ABCG1: variants seen among roughly 807,000 people sequenced by gnomAD.
ABCG1 encodes the protein ATP binding cassette subfamily G member 1.
ABCG1 carries 29 observed loss-of-function variants against 69.2 expected under a neutral mutation model. The observed-to-expected ratio is 0.42, with a 90% confidence interval of 0.31 to 0.57. The LOEUF is 0.57. ABCG1 is among the 20% of genes least tolerant of loss of function. The pLI is 0.15. For synonymous variants in ABCG1, 370 were observed against 374.8 expected (o/e 0.99, Z 0.15); for missense variants, 718 against 898.1 (o/e 0.80, Z 2.56).
rs2068774621 is a variant in ABCG1, at chr21:42,279,760, G to A, written c.589-2514G>A. On this transcript the variant is annotated intron_variant, in intron 5 of 14. Coordinates refer to ENST00000398449, the MANE Select transcript of ABCG1 (RefSeq NM_016818.3). ...GTGAGTGCTGCTCAGCAGGCTCCGT[G>A]CTGAAGTCACAGCAAGCCAGGCCCT... 2.0e-5 allele frequency among the ~76,000 whole-genome samples: 3 copies of A among 152,224 alleles called. No homozygotes were observed. The South Asian group carries it at 6.2e-4, about 32-fold the overall frequency.
chr21:42,264,589 G>A (rs374257378), intron 2 of ABCG1, among the ~76,000 whole-genome samples: 3 of 150,570 alleles, frequency 2.0e-5, no homozygotes, highest in East Asian at 3.9e-4. Flanking sequence ...GGCCAGGGCC[G>A]AATGTTTAGA....
Position 42,225,795 on chromosome 21 carries a change from T to A in ABCG1, c.167T>A (p.Val56Glu), listed in dbSNP as rs1167151091. The A allele has an allele frequency of 6.2e-7, 1 of 1,613,834 alleles. No individual in the cohort carries two copies. ...CTGCTGAATGGACATCTGAAAAAAGTAGATAATAACCTCACGGAAGCCCAG... is the reference window on the plus strand; with the variant it reads ...CTGCTGAATGGACATCTGAAAAAAGAAGATAATAACCTCACGGAAGCCCAG... ...TDLLNGHLKK[V>E]DNNLTEAQRF... is the part of the protein sequence containing the mutation. Residue 56 changes from valine (V) to glutamate (E), a missense_variant, in exon 2 of 15, where the codon GTA becomes GAA. Physicochemically the swap from Val to Glu is moderately radical, Grantham distance 121 (BLOSUM62 -2). This residue lies in a region of ABCG1 where 514 missense variants were observed against 574.3 expected (regional missense o/e 0.90). Coordinates refer to ENST00000398449, the MANE Select transcript of ABCG1 (RefSeq NM_016818.3).
intron 2 of ABCG1, 40 bp downstream of exon 2, chr21:42,225,954 G>A (rs2067810867): frequency 1.3e-6 from 2 of 1,595,840 alleles, no homozygotes; most frequent in Non-Finnish European, 8.5e-7. Context: ...GCTGGGAGGA[G>A]CCTCTGAAGG....
chr21:42,258,632 T>TCTCCATCCATCC (rs953124576), intron 2 of ABCG1, among the ~76,000 whole-genome samples: 1 of 150,940 alleles, frequency 6.6e-6, no homozygotes, highest in Non-Finnish European at 1.5e-5. Context: ...TCTATCAGCC[T>TCTCCATCCATCC]CTCCATCCAT....
chr21:42,289,933 T>C, intron 10 of ABCG1, 117 bp from the exon 11 acceptor site: 1 of 1,149,210 alleles, frequency 8.7e-7, no homozygotes, highest in Admixed American at 2.0e-5. Flanking sequence ...GGATAAAGTC[T>C]AAGACGTGCT....
rs75080914 is a variant in ABCG1 at position 42,294,437 on chromosome 21, A to T, written c.1654-105A>T. On this transcript the variant is annotated intron_variant, in intron 13 of 14. Transcript: ENST00000398449. ...AAGCATCATCATTACCCTGCCCAGAAGGTGCCCTGGCCCTGCCCGGGGGAA... is the reference window on the plus strand; with the variant it reads ...AAGCATCATCATTACCCTGCCCAGATGGTGCCCTGGCCCTGCCCGGGGGAA... 2.6e-3 allele frequency: 2,206 copies of T among 838,430 alleles called. 52 individuals are homozygous for T. In the African/African-American group the frequency reaches 0.034, roughly 13 times the overall value. The allele number at this position is 838,430 out of a possible 1,614,324, so 51.9% of individuals were successfully genotyped here. A position where few individuals can be genotyped will look rare whatever the true frequency, so the allele number is the denominator to read the frequency against.
At chr21:42,289,043 T>C (rs2069004247) in intron 10 of ABCG1, among the ~76,000 whole-genome samples, 2 of 152,062 alleles carry the variant, frequency 1.3e-5, no homozygotes, top group African/African-American at 2.4e-5. Context: ...ATCTCCAACA[T>C]TGGGGATTAC....
At chr21:42,282,707 C>T (rs552382434) in intron 6 of ABCG1, among the ~76,000 whole-genome samples, 5 of 152,250 alleles carry the variant, frequency 3.3e-5, no homozygotes, top group African/African-American at 7.2e-5. Flanking sequence ...CCAAGTTCCC[C>T]GTGGCTCAGC....
chr21:42,204,357 AT>A (rs2067527829), intron 2 of ABCG1, among the ~76,000 whole-genome samples: 1 of 152,218 alleles, frequency 6.6e-6, no homozygotes, highest in Non-Finnish European at 1.5e-5. Flanking sequence ...GTTGTTCACT[AT>A]TAATTATATT....
chr21:42,242,671 A>C (rs1319357845), intron 2 of ABCG1, among the ~76,000 whole-genome samples: 1 of 152,226 alleles, frequency 6.6e-6, no homozygotes, highest in African/African-American at 2.4e-5. Context: ...CCATTAGGGC[A>C]CATTCATTCT....
chr21:42,271,031 AAAATG>A, intron 2 of ABCG1, 34 bp from the exon 3 acceptor site: 1 of 1,343,726 alleles, frequency 7.4e-7, no homozygotes. Context: ...CATTAGAGAT[AAAATG>A]AAATGAATAT....
In ABCG1 at chr21:42,290,059, C is replaced by T; in HGVS notation, c.1234C>T (p.His412Tyr). Residue 412 changes from histidine to tyrosine, a missense_variant, in exon 11 of 15, where the codon CAC becomes TAC. By Grantham distance (83) the His-to-Tyr change is moderately conservative. This residue lies in a region of ABCG1 where 514 missense variants were observed against 574.3 expected (regional missense o/e 0.90). Coordinates refer to ENST00000398449, the MANE Select transcript of ABCG1 (RefSeq NM_016818.3). ...LSIMRDSVLTHLRITSHIGIG... is the reference protein window; with the variant it reads ...LSIMRDSVLTYLRITSHIGIG... ...GCGGGTCTGTCCCCAGGTCCTGACA[C>T]ACCTGCGCATCACCTCGCACATTGG... The T allele has an allele frequency of 1.9e-6, 3 of 1,614,132 alleles. No individual in the cohort carries two copies. Among genetic ancestry groups the T allele is most frequent in the East Asian group, 2.2e-5 (1 of 44,900 alleles).
chr21:42,237,598 A>G (rs190138342), intron 2 of ABCG1, among the ~76,000 whole-genome samples: 3 of 152,380 alleles, frequency 2.0e-5, no homozygotes, highest in Admixed American at 6.5e-5. Context: ...CCTGGCTCAG[A>G]GCTGGCATGC....
chr21:42,203,323 C>T (rs1376641733), intron 2 of ABCG1, among the ~76,000 whole-genome samples: 1 of 152,062 alleles, frequency 6.6e-6, no homozygotes, highest in Non-Finnish European at 1.5e-5. Flanking sequence ...GATGTAGTCC[C>T]GTTTATCAAT....
chr21:42,212,454 T>C (rs1241176194), upstream of ABCG1, among the ~76,000 whole-genome samples: 2 of 152,168 alleles, frequency 1.3e-5, no homozygotes, highest in African/African-American at 4.8e-5. Flanking sequence ...TAAAGGCCAC[T>C]CTGTTGAGGT....
intron 2 of ABCG1, among the ~76,000 whole-genome samples, chr21:42,228,542 A>G (rs1312216528): frequency 6.6e-6 from 1 of 152,182 alleles, no homozygotes; most frequent in Non-Finnish European, 1.5e-5. Context: ...ACTGAGACAA[A>G]GGTGGTTAAG....
intron 2 of ABCG1, among the ~76,000 whole-genome samples, chr21:42,249,228 C>T (rs969328704): frequency 1.3e-5 from 2 of 152,130 alleles, no homozygotes; most frequent in Admixed American, 6.5e-5. Context: ...GAGGGAGGGG[C>T]GCCGGGCCTG....
At chr21:42,245,921 A>G (rs749947782) in intron 2 of ABCG1, among the ~76,000 whole-genome samples, 1 of 120,938 alleles carries the variant, frequency 8.3e-6, no homozygotes, top group Non-Finnish European at 1.8e-5. Flanking sequence ...GTGCTGACTC[A>G]GCAGCACAAG....
At chr21:42,220,267 T>C (rs1022355191) in intron 1 of ABCG1, among the ~76,000 whole-genome samples, 5 of 152,208 alleles carry the variant, frequency 3.3e-5, no homozygotes, top group African/African-American at 1.2e-4. Context: ...ACTACCCTGA[T>C]ATTACTTCCC....
Sources: gnomAD v4.1 joint callset for allele counts (sites outside exome capture counted in the v4.1 genomes callset) on GRCh38, gnomAD v4.1.1 for gene constraint, gnomAD v4.1.1 regional missense constraint, MANE v1.5 for transcripts, NCBI Gene and HGNC (gene_info 2026-07-23, HGNC 2026-07-21) for gene names.